RAB8A: variants seen among roughly 807,000 people sequenced by gnomAD.
RAB8A encodes the protein RAB8A, member RAS oncogene family, also known as ras-related protein Rab-8A.
In RAB8A, 5 loss-of-function variants were observed where a neutral mutation model predicts 29.2. That is an observed-to-expected ratio of 0.17 (90% CI 0.09 to 0.36). The LOEUF is 0.36. RAB8A is among the 10% of genes least tolerant of loss of function. RAB8A has a pLI of 1.00. For synonymous variants in RAB8A, 108 were observed against 99.9 expected (o/e 1.08, Z -0.49); for missense variants, 171 against 272.2 (o/e 0.63, Z 2.62).
chr19:16,127,805 T>C lies in RAB8A; in HGVS notation c.415-221T>C. The C allele has an allele frequency of 1.6e-6, 1 of 629,202 alleles. No individual in the cohort carries two copies. Among genetic ancestry groups the C allele is most frequent in the Non-Finnish European group, 2.9e-6 (1 of 350,126 alleles). 39.0% of individuals were successfully genotyped at this position (629,202 alleles called of 1,614,324 possible). ...TGATCCCAGCAGGTCCCCGCCACCC[T>C]CCCATCTCAGCTGCCATCCCCAGCA... is the stretch of plus-strand genomic sequence containing the variant. On this transcript the variant is annotated intron_variant, in intron 5 of 7. Coordinates refer to ENST00000300935, the MANE Select transcript of RAB8A (RefSeq NM_005370.5). The surrounding 1 kb of genome is among the most constrained non-coding windows in gnomAD (Gnocchi z 4.8).
Position 16,125,569 on chromosome 19 carries a change from C to T in RAB8A, c.324+22C>T, listed in dbSNP as rs1213091919. Reference sequence around the variant, plus strand: ...GGAGGTGAGGCCCTCCGGCTCCTCCCACTGTCCCTGCTTCAGTCCTTGTCC... The same window carrying T: ...GGAGGTGAGGCCCTCCGGCTCCTCCTACTGTCCCTGCTTCAGTCCTTGTCC... On this transcript the variant is annotated intron_variant, in intron 4 of 7. Coordinates refer to ENST00000300935, the MANE Select transcript of RAB8A (RefSeq NM_005370.5). This position sits in a 1 kb window ranked among gnomAD's most constrained non-coding sequence, Gnocchi z 5.0. 2 of 1,598,492 alleles carry T rather than the reference C, an allele frequency of 1.3e-6. No individual in the cohort carries two copies. The highest frequency in any genetic ancestry group is 2.7e-5 in the African/African-American group (2 of 74,554).
rs981966159 is a variant in RAB8A, at chr19:16,127,842, T to C, written c.415-184T>C. The C allele has an allele frequency of 6.0e-6, 4 of 670,438 alleles. No individual in the cohort carries two copies. The highest frequency in any genetic ancestry group is 3.5e-5 in the African/African-American group (2 of 56,600). 41.5% of individuals were successfully genotyped at this position (670,438 alleles called of 1,614,324 possible). ...TGCCATCCCCAGCAACTCCATGCCC[T>C]GTGAGGCCCTGTGGAGGGGCATTCA... On this transcript the variant is annotated intron_variant, in intron 5 of 7. Coordinates refer to ENST00000300935, the MANE Select transcript of RAB8A (RefSeq NM_005370.5). This position sits in a 1 kb window ranked among gnomAD's most constrained non-coding sequence, Gnocchi z 4.8.
intron 6 of RAB8A, 22 bp downstream of exon 6, chr19:16,128,113 G>A (rs1478082146): frequency 1.2e-6 from 2 of 1,611,852 alleles, no homozygotes; most frequent in Admixed American, 3.3e-5. Context: ...GCCCTGCTGG[G>A]AGACATGGGG....
chr19:16,113,813 T>C (rs2090834474), intron 1 of RAB8A, among the ~76,000 whole-genome samples: 1 of 152,146 alleles, frequency 6.6e-6, no homozygotes, highest in African/African-American at 2.4e-5. Flanking sequence ...ACTACCCCTC[T>C]CTGAGCCCTG....
At chr19:16,112,865 C>T (rs1018471108) in intron 1 of RAB8A, 1 of 152,244 alleles carries the variant, frequency 6.6e-6, no homozygotes, top group African/African-American at 2.4e-5. Flanking sequence ...TTTCATCCTG[C>T]TCCAGGAATG....
intron 2 of RAB8A, among the ~76,000 whole-genome samples, chr19:16,119,597 G>T (rs1387718827): frequency 1.3e-5 from 2 of 152,162 alleles, no homozygotes; most frequent in African/African-American, 4.8e-5. Context: ...AGCTCTGGCT[G>T]CCTTGTAAGT....
At chr19:16,129,991 T>A (rs1360151602) in intron 7 of RAB8A, among the ~76,000 whole-genome samples, 1 of 152,130 alleles carries the variant, frequency 6.6e-6, no homozygotes. Flanking sequence ...GCTCATCGTC[T>A]TGACAAGCAT....
chr19:16,125,746 C>G lies in RAB8A; in HGVS notation c.324+199C>G. On this transcript the variant is annotated intron_variant, in intron 4 of 7. Transcript: ENST00000300935. This position sits in a 1 kb window ranked among gnomAD's most constrained non-coding sequence, Gnocchi z 5.0. ...ACCACACACTGGCCTGGCCCCACCCCGGAGCCCCTCGGAGCCCATCCCTCC... is the reference window on the plus strand; with the variant it reads ...ACCACACACTGGCCTGGCCCCACCCGGGAGCCCCTCGGAGCCCATCCCTCC... 1 of 683,924 alleles carries G rather than the reference C, an allele frequency of 1.5e-6. No homozygotes were observed. The highest frequency in any genetic ancestry group is 2.7e-6 in the Non-Finnish European group (1 of 372,346). The allele number at this position is 683,924 out of a possible 1,614,324, so 42.4% of individuals were successfully genotyped here.
chr19:16,118,112 C>A, intron 1 of RAB8A, 114 bp from the exon 2 acceptor site: 1 of 787,894 alleles, frequency 1.3e-6, no homozygotes, highest in South Asian at 1.5e-5. Context: ...CAGCACCAGG[C>A]AGGGTCTCCG....
intron 6 of RAB8A, 83 bp from the exon 7 acceptor site, chr19:16,129,471 G>A: frequency 7.1e-7 from 1 of 1,401,760 alleles, no homozygotes; most frequent in Non-Finnish European, 1.0e-6. Flanking sequence ...CTGGGAAGCT[G>A]TCTCACCACA....
At position 16,133,535 on chromosome 19, in the gene RAB8A, A is replaced by G. The variant is rs572078350; in HGVS notation, c.*1231A>G. The G allele has an allele frequency of 3.9e-5, 6 of 152,108 alleles. No homozygotes were observed. Among genetic ancestry groups the G allele is most frequent in the African/African-American group, 1.5e-4 (6 of 41,292 alleles). The allele number at this position is 152,108 out of a possible 1,614,324, so 9.4% of individuals were successfully genotyped here. ...TCTTTTGAATTAAAACCAACATATC[A>G]GCAATAGTCTGCTCTCCCCGGGAAT... On this transcript the variant is annotated 3_prime_UTR_variant, in exon 8 of 8. Coordinates refer to ENST00000300935, the MANE Select transcript of RAB8A (RefSeq NM_005370.5).
At chr19:16,118,663 A>T (rs1232253552) in intron 2 of RAB8A, among the ~76,000 whole-genome samples, 7 of 152,120 alleles carry the variant, frequency 4.6e-5, no homozygotes, top group Non-Finnish European at 1.0e-4. Flanking sequence ...CCCAGCCGAG[A>T]GTTTCCTTTT....
intron 6 of RAB8A, among the ~76,000 whole-genome samples, chr19:16,129,324 G>A (rs559710565): frequency 3.3e-5 from 5 of 152,302 alleles, no homozygotes; most frequent in South Asian, 4.1e-4. Context: ...GGTGCTCTGC[G>A]GAAGTGAGAG....
chr19:16,120,922 C>T (rs1212630984), intron 2 of RAB8A, among the ~76,000 whole-genome samples: 1 of 142,454 alleles, frequency 7.0e-6, no homozygotes, highest in African/African-American at 2.6e-5. Flanking sequence ...GTTAGGTTAC[C>T]TTTTTTTTTT....
chr19:16,129,518 G>A, intron 6 of RAB8A, 36 bp from the exon 7 acceptor site: 1 of 1,609,132 alleles, frequency 6.2e-7, no homozygotes, highest in Non-Finnish European at 8.5e-7. Context: ...TCAGGGTCCT[G>A]CCATCCCAAG....
At chr19:16,126,428 C>T (rs1453785930) in intron 4 of RAB8A, 2 of 152,546 alleles carry the variant, frequency 1.3e-5, no homozygotes, top group Non-Finnish European at 2.9e-5. Context: ...CAGGAGCCAC[C>T]TTCTGGTTCA....
chr19:16,116,161 C>T (rs1341524659), intron 1 of RAB8A, among the ~76,000 whole-genome samples: 1 of 152,176 alleles, frequency 6.6e-6, no homozygotes, highest in African/African-American at 2.4e-5. Flanking sequence ...CAGGTAGCTA[C>T]AGAAGAAAGA....
intron 6 of RAB8A, among the ~76,000 whole-genome samples, chr19:16,128,364 G>A (rs990290536): frequency 1.8e-4 from 27 of 152,172 alleles, no homozygotes; most frequent in African/African-American, 5.8e-4. Context: ...AATAGGCACG[G>A]TTTTACAGGT....
At position 16,132,282 on chromosome 19, in the gene RAB8A, T is replaced by C. The variant is rs2090928683; in HGVS notation, c.602T>C (p.Phe201Ser). Residue 201 changes from phenylalanine to serine, a missense_variant, in exon 8 of 8, where the codon TTT becomes TCT. Phe to Ser is a radical substitution (Grantham distance 155). Transcript: ENST00000300935. This position sits in a 1 kb window ranked among gnomAD's most constrained non-coding sequence, Gnocchi z 5.6. ...CCGGACCAGCAGAAGAGGAGCAGCT[T>C]TTTCCGATGTGTTCTTCTGTGAGGA... Reference protein sequence around the residue: ...ITPDQQKRSSFFRCVLL With the variant: ...ITPDQQKRSSSFRCVLL 6.2e-7 allele frequency: 1 copy of C among 1,613,786 alleles called. No individual in the cohort carries two copies. The highest frequency in any genetic ancestry group is 1.7e-5 in the Admixed American group (1 of 59,964).
Sources: gnomAD v4.1 joint callset for allele counts (sites outside exome capture counted in the v4.1 genomes callset) on GRCh38, gnomAD v4.1.1 for gene constraint, Gnocchi (gnomAD v3.1) non-coding constraint, MANE v1.5 for transcripts, NCBI Gene and HGNC (gene_info 2026-07-23, HGNC 2026-07-21) for gene names.